HIVEP1: variants seen among roughly 807,000 people sequenced by gnomAD.
HIVEP1 encodes HIVEP zinc finger 1.
HIVEP1 carries 36 observed loss-of-function variants against 180.0 expected under a neutral mutation model. The ratio of observed to expected loss-of-function variants is 0.20; its 90% CI spans 0.15 to 0.26. The LOEUF (loss-of-function observed/expected upper bound fraction) is 0.26, where lower values mean the gene tolerates loss of function less well. HIVEP1 is among the 10% of genes least tolerant of loss of function. The pLI, the probability that HIVEP1 is intolerant of heterozygous loss-of-function variation, is 1.00. For synonymous variants in HIVEP1, 1,239 were observed against 1,239.0 expected (o/e 1.00, Z 0.00); for missense variants, 3,143 against 3,268.7 (o/e 0.96, Z 0.94).
intron 3 of HIVEP1, among the ~76,000 whole-genome samples, chr6:12,109,430 T>A (rs1300260581): frequency 6.6e-6 from 1 of 152,244 alleles, no homozygotes; most frequent in African/African-American, 2.4e-5. Flanking sequence ...CCTCTCAAAG[T>A]CTGCCACTGC....
At chr6:12,031,411 C>G (rs572383599) in intron 2 of HIVEP1, among the ~76,000 whole-genome samples, 18 of 152,318 alleles carry the variant, frequency 1.2e-4, no homozygotes, top group African/African-American at 4.1e-4. Context: ...CCTACCAGAA[C>G]TCCCTAGTAA....
chr6:12,011,793 G>T (rs1006225008), upstream of HIVEP1, among the ~76,000 whole-genome samples: 10 of 147,004 alleles, frequency 6.8e-5, no homozygotes, highest in Non-Finnish European at 1.5e-4. Flanking sequence ...CGGCCGCGCC[G>T]GCCCAGCTGG....
Position 12,125,529 on chromosome 6 carries a change from CAA to C in HIVEP1, c.5736_5737del (p.Gln1914ThrfsTer10). The stretch of plus-strand genomic sequence containing the variant: ...AGGTGACAAAGTGAACATCCAAGAG[CAA>C]AGTCAACAGCCAGTCACTTCTCTTT... ...NQGDKVNIQEQSQQPVTSLSL... is the reference protein window; with the variant it reads ...NQGDKVNIQEXSQQPVTSLSL... On this transcript the variant is annotated frameshift_variant, in exon 4 of 9. Transcript: ENST00000379388. LOFTEE classifies it high-confidence loss of function. The C allele has an allele frequency of 6.2e-7, 1 of 1,614,138 alleles. No individual in the cohort carries two copies. The highest frequency in any genetic ancestry group is 8.5e-7 in the Non-Finnish European group (1 of 1,180,012).
At chr6:12,017,885 T>C (rs1006279022) in intron 2 of HIVEP1, among the ~76,000 whole-genome samples, 2 of 152,352 alleles carry the variant, frequency 1.3e-5, no homozygotes, top group African/African-American at 4.8e-5. Context: ...GATCCCGCAC[T>C]GGGGCCACAG....
At position 12,122,125 on chromosome 6, in the gene HIVEP1, G is replaced by A. The variant is rs1353061794; in HGVS notation, c.2330G>A (p.Arg777Gln). The change falls in exon 4 of 9, where the codon CGA becomes CAA. Residue 777 changes from arginine (R) to glutamine (Q), a missense_variant. Arg to Gln is a conservative substitution (Grantham distance 43). Transcript: ENST00000379388. ...VKPRRTSLSR[R>Q]GSIDSPKSYI... Reference sequence around the variant, plus strand: ...CCGCGGAGAACCTCACTGTCAAGACGAGGAAGCATTGATTCCCCCAAATCA... The same window carrying A: ...CCGCGGAGAACCTCACTGTCAAGACAAGGAAGCATTGATTCCCCCAAATCA... 3.1e-6 allele frequency: 5 copies of A among 1,614,052 alleles called. No homozygotes were observed. Among genetic ancestry groups the A allele is most frequent in the African/African-American group, 2.7e-5 (2 of 74,926 alleles).
chr6:12,061,763 A>G (rs1033642746), intron 2 of HIVEP1, among the ~76,000 whole-genome samples: 34 of 152,170 alleles, frequency 2.2e-4, no homozygotes, highest in Non-Finnish European at 2.9e-5. Flanking sequence ...TCTTGTGGAT[A>G]TCATTGTGGA....
At chr6:12,044,271 T>A (rs966567560) in intron 2 of HIVEP1, among the ~76,000 whole-genome samples, 2 of 152,230 alleles carry the variant, frequency 1.3e-5, no homozygotes, top group Non-Finnish European at 2.9e-5. Flanking sequence ...GGGATCAATT[T>A]ATGGACTTTT....
Position 12,122,947 on chromosome 6 carries a change from C to G in HIVEP1, c.3152C>G (p.Ser1051Cys). Reference protein sequence around the residue: ...EELQQNESGTSPKSSEGLQFQ... With the variant: ...EELQQNESGTCPKSSEGLQFQ... Reference sequence around the variant, plus strand: ...CTTCAGCAAAATGAAAGTGGAACATCTCCAAAAAGTTCTGAAGGCCTTCAG... The same window carrying G: ...CTTCAGCAAAATGAAAGTGGAACATGTCCAAAAAGTTCTGAAGGCCTTCAG... The change falls in exon 4 of 9, where the codon TCT (serine) becomes TGT (cysteine). Residue 1051 changes from serine (S) to cysteine (C), a missense_variant. Ser to Cys is a moderately radical substitution (Grantham distance 112, BLOSUM62 -1). Transcript: ENST00000379388. The G allele has an allele frequency of 6.2e-7, 1 of 1,613,756 alleles. No homozygotes were observed.
At chr6:12,203,347 TACCCATTAA>T in the HIVEP1 span, among the ~76,000 whole-genome samples, 1 of 152,238 alleles carries the variant, frequency 6.6e-6, no homozygotes, top group Non-Finnish European at 1.5e-5. Context: ...TGTGAACGGT[TACCCATTAA>T]CACTGGCTCT....
chr6:12,046,443 GC>G (rs1330295219), intron 2 of HIVEP1, among the ~76,000 whole-genome samples: 1 of 152,108 alleles, frequency 6.6e-6, no homozygotes, highest in Non-Finnish European at 1.5e-5. Context: ...AGAAGCTGCA[GC>G]CCCCCTAGAA....
chr6:12,018,571 G>C (rs769360117), intron 2 of HIVEP1, among the ~76,000 whole-genome samples: 3 of 152,238 alleles, frequency 2.0e-5, no homozygotes, highest in Non-Finnish European at 4.4e-5. Context: ...GAAATGAATA[G>C]TATGGAGATT....
chr6:12,040,473 A>G (rs1445330564), intron 2 of HIVEP1, among the ~76,000 whole-genome samples: 1 of 152,150 alleles, frequency 6.6e-6, no homozygotes, highest in Non-Finnish European at 1.5e-5. Context: ...TTATCTGTAG[A>G]TTTTTGAGGC....
intron 2 of HIVEP1, among the ~76,000 whole-genome samples, chr6:12,068,539 A>G (rs901237371): frequency 6.6e-6 from 1 of 152,228 alleles, no homozygotes; most frequent in Non-Finnish European, 1.5e-5. Flanking sequence ...CAGGCATCAA[A>G]TAAATTGGAA....
At chr6:12,146,403 A>G (rs1474767937) in intron 7 of HIVEP1, among the ~76,000 whole-genome samples, 1 of 152,240 alleles carries the variant, frequency 6.6e-6, no homozygotes, top group African/African-American at 2.4e-5. Flanking sequence ...AGATGGTGCC[A>G]TTGCACTCCA....
In HIVEP1 at chr6:12,161,841, C is replaced by T. The variant is rs774381923; in HGVS notation, c.6890C>T (p.Ser2297Phe). The change falls in exon 8 of 9, where the codon TCC becomes TTC. Residue 2297 changes from serine (S) to phenylalanine (F), a missense_variant. Ser to Phe is a radical substitution (Grantham distance 155). This residue lies in a region of HIVEP1 where 595 missense variants were observed against 602.2 expected (regional missense o/e 0.99). Coordinates refer to ENST00000379388, the MANE Select transcript of HIVEP1 (RefSeq NM_002114.4). ...ATTCCGTCTGTAGACACTTCCAGGTCCCCGTGTCATCAGATGTCTGTGGAC... is the reference window on the plus strand; with the variant it reads ...ATTCCGTCTGTAGACACTTCCAGGTTCCCGTGTCATCAGATGTCTGTGGAC... ...DTIPSVDTSR[S>F]PCHQMSVDYP... is the part of the protein sequence containing the mutation. 2 of 1,614,018 alleles carry T rather than the reference C, an allele frequency of 1.2e-6. No homozygotes were observed. The highest frequency in any genetic ancestry group is 1.7e-6 in the Non-Finnish European group (2 of 1,179,940).
intron 2 of HIVEP1, among the ~76,000 whole-genome samples, chr6:12,046,127 C>T (rs1770099956): frequency 1.3e-5 from 2 of 151,976 alleles, no homozygotes; most frequent in South Asian, 4.1e-4. Context: ...AAAATTACAC[C>T]TTGATTGTTT....
chr6:12,129,755 T>G lies in HIVEP1; in HGVS notation c.6076-4T>G. ...AAATTAGTTTCTCTCTTTTTTCCTTTCAGAGAGCATTAGGTAATCAAAAGT... is the reference window on the plus strand; with the variant it reads ...AAATTAGTTTCTCTCTTTTTTCCTTGCAGAGAGCATTAGGTAATCAAAAGT... On this transcript the variant is annotated splice_region_variant and splice_polypyrimidine_tract_variant and intron_variant, in intron 4 of 8. Transcript: ENST00000379388. 2 of 1,598,650 alleles carry G rather than the reference T, an allele frequency of 1.3e-6. No homozygotes were observed. Among genetic ancestry groups the G allele is most frequent in the Non-Finnish European group, 1.7e-6 (2 of 1,166,364 alleles).
the HIVEP1 span, among the ~76,000 whole-genome samples, chr6:12,205,170 T>TA: frequency 6.6e-6 from 1 of 152,082 alleles, no homozygotes; most frequent in Non-Finnish European, 1.5e-5. Context: ...GGGAAGCCAG[T>TA]AAAAAAATTT....
chr6:12,114,592 C>T (rs144677890), intron 3 of HIVEP1, among the ~76,000 whole-genome samples: 228 of 152,180 alleles, frequency 1.5e-3, no homozygotes, highest in African/African-American at 4.9e-3. Context: ...GTGCCTCTAG[C>T]CCAGACCTCT....
Sources: gnomAD v4.1 joint callset for allele counts (sites outside exome capture counted in the v4.1 genomes callset) on GRCh38, gnomAD v4.1.1 for gene constraint, gnomAD v4.1.1 regional missense constraint, MANE v1.5 for transcripts, NCBI Gene and HGNC (gene_info 2026-07-23, HGNC 2026-07-21) for gene names.